Variants in NEDD4L observed in about 807,000 individuals in gnomAD.
The protein encoded by NEDD4L is E3 ubiquitin-protein ligase NEDD4-like.
Under a neutral mutation model 148.9 loss-of-function variants are expected in NEDD4L, and 54 were observed. The ratio of observed to expected loss-of-function variants is 0.36; its 90% CI spans 0.29 to 0.45. The LOEUF is 0.45. Among genes scored for constraint, NEDD4L ranks in the 20% least tolerant of loss-of-function variants. The pLI, the probability that NEDD4L is intolerant of heterozygous loss-of-function variation, is 1.00. For synonymous variants in NEDD4L, 433 were observed against 440.7 expected (o/e 0.98, Z 0.22); for missense variants, 856 against 1,233.8 (o/e 0.69, Z 4.59).
intron 16 of NEDD4L, among the ~76,000 whole-genome samples, chr18:58,346,483 A>G (rs1031544932): frequency 6.6e-6 from 1 of 152,228 alleles, no homozygotes; most frequent in Non-Finnish European, 1.5e-5. Flanking sequence ...TTGTAGCAAG[A>G]AAGATTACAC....
rs2041620396 is a variant in NEDD4L at position 58,335,485 on chromosome 18, C to G, written c.1073C>G (p.Ala358Gly). Reference sequence around the variant, plus strand: ...GTAAATTATCATTCACAGCCCAGTGCCCCAGCTGGGAGAGCGCGTTCATCA... The same window carrying G: ...GTAAATTATCATTCACAGCCCAGTGGCCCAGCTGGGAGAGCGCGTTCATCA... ...AEQGHLPPPS[A>G]PAGRARSSTV... Residue 358 changes from alanine (A) to glycine (G), a missense_variant, in exon 13 of 31, where the codon GCC (alanine) becomes GGC (glycine). By Grantham distance (60) the Ala-to-Gly change is moderately conservative (BLOSUM62 0). This residue lies in a region of NEDD4L where 367 missense variants were observed against 422.7 expected (regional missense o/e 0.87). Transcript: ENST00000400345. 1 of 1,613,118 alleles carries G rather than the reference C, an allele frequency of 6.2e-7. No homozygotes were observed. The highest frequency in any genetic ancestry group is 8.5e-7 in the Non-Finnish European group (1 of 1,179,302).
chr18:58,304,013 G>A (rs2056789363), intron 5 of NEDD4L, among the ~76,000 whole-genome samples: 1 of 152,100 alleles, frequency 6.6e-6, no homozygotes, highest in South Asian at 2.1e-4. Flanking sequence ...TCAACTGGGA[G>A]CACTTCTTCC....
chr18:58,294,780 C>T (rs1046614725), intron 5 of NEDD4L, among the ~76,000 whole-genome samples: 3 of 151,992 alleles, frequency 2.0e-5, no homozygotes, highest in Non-Finnish European at 4.4e-5. Flanking sequence ...CTCAGCCTCC[C>T]AAAGTGTACC....
intron 15 of NEDD4L, among the ~76,000 whole-genome samples, 181 bp downstream of exon 15, chr18:58,341,978 T>C (rs917786324): frequency 2.6e-5 from 4 of 152,212 alleles, no homozygotes; most frequent in Non-Finnish European, 5.9e-5. Context: ...CCAGTTAACA[T>C]TCCTGGACTC....
At position 58,245,452 on chromosome 18, in the gene NEDD4L, T is replaced by C; in HGVS notation, c.148T>C (p.Tyr50His). Reference protein sequence around the residue: ...ASDPYVKLSLYVADENRELAL... With the variant: ...ASDPYVKLSLHVADENRELAL... ...TGATCCGTATGTGAAACTTTCATTGTACGTAGCGGATGAGAATAGAGAACT... is the reference window on the plus strand; with the variant it reads ...TGATCCGTATGTGAAACTTTCATTGCACGTAGCGGATGAGAATAGAGAACT... The change falls in exon 3 of 31, where the codon TAC (tyrosine) becomes CAC (histidine). Residue 50 changes from tyrosine to histidine, a missense_variant. By Grantham distance (83) the Tyr-to-His change is moderately conservative. Around this residue, in one of 4 missense-constraint regions of NEDD4L, gnomAD observed 193 missense variants for 244.2 expected, o/e 0.79. Coordinates refer to ENST00000400345, the MANE Select transcript of NEDD4L (RefSeq NM_001144967.3). 1 of 1,575,694 alleles carries C rather than the reference T, an allele frequency of 6.3e-7. No individual in the cohort carries two copies. Among genetic ancestry groups the C allele is most frequent in the Non-Finnish European group, 8.7e-7 (1 of 1,152,502 alleles).
At chr18:58,348,326 C>CTTTTTTTTCTTTT (rs2043371626) in intron 16 of NEDD4L, among the ~76,000 whole-genome samples, 6 of 88,668 alleles carry the variant, frequency 6.8e-5, no homozygotes, top group African/African-American at 3.2e-4. Flanking sequence ...TCTTTTTTTT[C>CTTTTTTTTCTTTT]TTTTTTTTTT....
rs755286836 is a variant in NEDD4L, at chr18:58,195,647, G to A, written c.122+29786G>A. 2.2e-6 allele frequency: 3 copies of A among 1,351,408 alleles called. No individual in the cohort carries two copies. In the African/African-American group the frequency reaches 4.4e-5, roughly 20 times the overall value. The allele number at this position is 1,351,408 out of a possible 1,614,324, so 83.7% of individuals were successfully genotyped here. ...AGGATTTCTCCTCGCCGCCGTTGCTGTTGTTAGGGGAAACAGACCATCTGC... is the reference window on the plus strand; with the variant it reads ...AGGATTTCTCCTCGCCGCCGTTGCTATTGTTAGGGGAAACAGACCATCTGC... On this transcript the variant is annotated intron_variant, in intron 2 of 30. Coordinates refer to ENST00000400345, the MANE Select transcript of NEDD4L (RefSeq NM_001144967.3).
At chr18:58,212,913 G>A (rs1023256177) in intron 2 of NEDD4L, among the ~76,000 whole-genome samples, 1 of 151,986 alleles carries the variant, frequency 6.6e-6, no homozygotes, top group African/African-American at 2.4e-5. Context: ...GAGGAAAAAT[G>A]GACAAAGAAT....
intron 1 of NEDD4L, among the ~76,000 whole-genome samples, chr18:58,152,013 G>A (rs2034833829): frequency 6.6e-6 from 1 of 151,962 alleles, no homozygotes; most frequent in African/African-American, 2.4e-5. Context: ...GAGTGAGTTT[G>A]GGTTAAAAAT....
intron 5 of NEDD4L, among the ~76,000 whole-genome samples, chr18:58,309,527 A>G (rs1601023876): frequency 6.6e-6 from 1 of 151,864 alleles, no homozygotes; most frequent in South Asian, 2.1e-4. Flanking sequence ...ATGTGCGGGG[A>G]GAGATGCCTC....
At chr18:58,240,900 C>G (rs1264724033) in intron 2 of NEDD4L, among the ~76,000 whole-genome samples, 1 of 152,154 alleles carries the variant, frequency 6.6e-6, no homozygotes, top group Non-Finnish European at 1.5e-5. Context: ...ACCTCCCCCT[C>G]CTGGATTCAA....
At position 58,169,467 on chromosome 18, in the gene NEDD4L, C is replaced by T. The variant is rs1305473517; in HGVS notation, c.122+3606C>T. Among the ~76,000 whole-genome samples the T allele has an allele frequency of 4.0e-5, 6 of 151,888 alleles. No homozygotes were observed. The East Asian group carries it at 9.7e-4, about 24-fold the overall frequency. On this transcript the variant is annotated intron_variant, in intron 2 of 30. Coordinates refer to ENST00000400345, the MANE Select transcript of NEDD4L (RefSeq NM_001144967.3). ...AGATGTAAATTGAGACTGCAGTCAC[C>T]CTAGGTCAGAGACATCCAGCCTTTA...
chr18:58,216,283 T>A (rs981527696), intron 2 of NEDD4L, among the ~76,000 whole-genome samples: 1 of 151,760 alleles, frequency 6.6e-6, no homozygotes, highest in Non-Finnish European at 1.5e-5. Flanking sequence ...AGAGAGTTCA[T>A]GGGGGAGGGC....
At chr18:58,100,932 A>T (rs2084715096) in intron 1 of NEDD4L, among the ~76,000 whole-genome samples, 1 of 151,990 alleles carries the variant, frequency 6.6e-6, no homozygotes, top group Admixed American at 6.5e-5. Flanking sequence ...TGGCCTCCCG[A>T]GTAGCTGGGA....
At chr18:58,255,633 TG>T (rs2048424390) in intron 5 of NEDD4L, 1 of 1,232,324 alleles carries the variant, frequency 8.1e-7, no homozygotes, top group African/African-American at 1.6e-5. Context: ...CTGGCCCCCC[TG>T]GTCACCATGG....
chr18:58,096,343 TTTTA>T lies in NEDD4L; in HGVS notation c.48+51643_48+51646del, dbSNP rs1211091916. ...TCCTGGCCTTAGTGTGATTATTTTATTTTATTTATTTTATTTTATTTTATTTTAT... is the reference window on the plus strand; with the variant it reads ...TCCTGGCCTTAGTGTGATTATTTTATTTTATTTTATTTTATTTTATTTTAT... On this transcript the variant is annotated intron_variant, in intron 1 of 30. Transcript: ENST00000400345. Among the ~76,000 whole-genome samples the T allele has an allele frequency of 2.9e-3, 421 of 142,906 alleles. 3 individuals carry two copies. Among genetic ancestry groups the T allele is most frequent in the Non-Finnish European group, 3.9e-3 (255 of 65,784 alleles). 93.8% of individuals were successfully genotyped at this position (142,906 alleles called of 152,430 possible). A position where few individuals can be genotyped will look rare whatever the true frequency, so the allele number is the denominator to read the frequency against.
At chr18:58,371,441 A>G (rs1474634649) in intron 23 of NEDD4L, 1 of 151,694 alleles carries the variant, frequency 6.6e-6, no homozygotes, top group East Asian at 1.9e-4. Context: ...CCCCACATCT[A>G]CCTCCAGAGT....
At chr18:58,201,130 C>T (rs977019906) in intron 2 of NEDD4L, among the ~76,000 whole-genome samples, 5 of 152,144 alleles carry the variant, frequency 3.3e-5, no homozygotes, top group Non-Finnish European at 5.9e-5. Context: ...GTCAGGAGTT[C>T]GAGGCCACCC....
At chr18:58,347,660 T>C (rs947058791) in intron 16 of NEDD4L, among the ~76,000 whole-genome samples, 3 of 152,194 alleles carry the variant, frequency 2.0e-5, no homozygotes, top group Admixed American at 2.0e-4. Flanking sequence ...AAAAAATATA[T>C]TGGGTTCAGG....
Sources: allele counts gnomAD v4.1 joint callset (sites outside exome capture counted in the v4.1 genomes callset), GRCh38; gene constraint gnomAD v4.1.1; regional missense constraint gnomAD v4.1.1; transcripts MANE v1.5; gene names NCBI Gene and HGNC (gene_info 2026-07-23, HGNC 2026-07-21).